The following ACOT1 variants were observed in gnomAD, a reference collection of about 807,000 sequenced individuals.
ACOT1 encodes the protein acyl-coenzyme A thioesterase 1.
Under a neutral mutation model 15.7 loss-of-function variants are expected in ACOT1, and 8 were observed. The ratio of observed to expected loss-of-function variants is 0.51; its 90% CI spans 0.30 to 0.92. The LOEUF is 0.92. ACOT1 is among the 40% of genes least tolerant of loss of function. The probability of loss-of-function intolerance (pLI) is 0.06; values close to 1 mark genes in which losing one functional copy is unlikely to be tolerated. For missense variants in ACOT1, 151 were observed against 539.4 expected, an observed-to-expected ratio of 0.28 and a Z score of 7.13; for synonymous variants, 67 against 241.2, an observed-to-expected ratio of 0.28 and a Z score of 6.69.
chr14:73,501,727 AC>A, the ACOT1 span, among the ~76,000 whole-genome samples: 1 of 151,388 alleles, frequency 6.6e-6, no homozygotes, highest in Non-Finnish European at 1.5e-5. Context: ...GGCATACACC[AC>A]CACACTGGCT....
At chr14:73,508,310 GAA>G in the ACOT1 span, 3 of 1,611,840 alleles carry the variant, frequency 1.9e-6, no homozygotes, top group Non-Finnish European at 2.5e-6. Context: ...ACAGTTGGGT[GAA>G]AAAGAGTTCA....
chr14:73,500,250 CA>C, the ACOT1 span, among the ~76,000 whole-genome samples: 2 of 149,052 alleles, frequency 1.3e-5, no homozygotes, highest in African/African-American at 4.9e-5. Flanking sequence ...AACAAACAAA[CA>C]AAAAAACCAT....
the ACOT1 span, among the ~76,000 whole-genome samples, chr14:73,510,906 T>C: frequency 6.6e-6 from 1 of 152,208 alleles, no homozygotes; most frequent in African/African-American, 2.4e-5. Context: ...TGTTATAAGT[T>C]ACAGTATCCA....
At chr14:73,494,192 C>T in the ACOT1 span, among the ~76,000 whole-genome samples, 1 of 152,314 alleles carries the variant, frequency 6.6e-6, no homozygotes, top group East Asian at 1.9e-4. Context: ...TGAATATTCT[C>T]ATGGTTGGTG....
the ACOT1 span, chr14:73,519,019 T>C: frequency 6.2e-7 from 1 of 1,611,402 alleles, no homozygotes; most frequent in South Asian, 1.1e-5. Context: ...AGCTTCCTGC[T>C]TACATGCTTC....
the ACOT1 span, among the ~76,000 whole-genome samples, chr14:73,525,720 A>G: frequency 2.0e-5 from 3 of 152,166 alleles, no homozygotes; most frequent in Admixed American, 2.0e-4. Context: ...TGGGAGGCTA[A>G]ATTGGGCAAA....
the ACOT1 span, chr14:73,521,178 A>G: frequency 1.1e-5 from 8 of 737,370 alleles, no homozygotes; most frequent in African/African-American, 1.8e-5. Context: ...ACCAATGTTT[A>G]ACTTTTAGCC....
At chr14:73,531,956 C>T in the ACOT1 span, among the ~76,000 whole-genome samples, 1 of 114,588 alleles carries the variant, frequency 8.7e-6, no homozygotes, top group South Asian at 2.8e-4. Flanking sequence ...CGCCTGGACC[C>T]AGGAAGCAGA....
At chr14:73,491,388 C>A in the ACOT1 span, 1 of 1,351,704 alleles carries the variant, frequency 7.4e-7, no homozygotes, top group South Asian at 1.9e-5. Context: ...CGCCTGGTGC[C>A]CGCTTCCGCG....
chr14:73,514,041 G>C, the ACOT1 span: 1 of 1,614,178 alleles, frequency 6.2e-7, no homozygotes, highest in African/African-American at 1.3e-5. Flanking sequence ...TCAGAGCCCA[G>C]GCAGTCTTCC....
At chr14:73,522,995 G>C in the ACOT1 span, 1 of 1,614,000 alleles carries the variant, frequency 6.2e-7, no homozygotes, top group African/African-American at 1.3e-5. Flanking sequence ...ACGGTACTGT[G>C]AGCTGAAGAA....
At chr14:73,506,727 G>A in the ACOT1 span, among the ~76,000 whole-genome samples, 126 of 150,700 alleles carry the variant, frequency 8.4e-4, 1 homozygote, top group East Asian at 0.022. Context: ...CTGACTCTGG[G>A]ATCATAAATT....
At chr14:73,493,104 T>C in the ACOT1 span, 1 of 1,613,444 alleles carries the variant, frequency 6.2e-7, no homozygotes, top group Non-Finnish European at 8.5e-7. Context: ...TCGGAAGGTC[T>C]TCTAGGAAGA....
the ACOT1 span, among the ~76,000 whole-genome samples, chr14:73,523,488 A>G: frequency 6.6e-6 from 1 of 152,218 alleles, no homozygotes; most frequent in Non-Finnish European, 1.5e-5. Flanking sequence ...GCAGTATCCC[A>G]TGCTTCCAGT....
chr14:73,516,386 C>T, the ACOT1 span, among the ~76,000 whole-genome samples: 1 of 104,498 alleles, frequency 9.6e-6, no homozygotes, highest in Non-Finnish European at 1.8e-5. Context: ...CGACTTCTCT[C>T]AGGCGATTTG....
At chr14:73,522,908 C>A in the ACOT1 span, 1 of 1,614,204 alleles carries the variant, frequency 6.2e-7, no homozygotes, top group Middle Eastern at 1.6e-4. Flanking sequence ...GCTGGGCAGG[C>A]CTCGCTGCCA....
chr14:73,524,310 A>AAAAAAT, the ACOT1 span, among the ~76,000 whole-genome samples: 282 of 54,744 alleles, frequency 5.2e-3, 5 homozygotes, highest in Middle Eastern at 0.026. Context: ...AAAAAAAAAA[A>AAAAAAT]ATATATATAT....
the ACOT1 span, among the ~76,000 whole-genome samples, chr14:73,499,475 A>G: frequency 6.6e-6 from 1 of 151,990 alleles, no homozygotes. Flanking sequence ...GCGAGTCTCC[A>G]TCTCAAAAAA....
At chr14:73,532,960 A>T (rs1244861313), upstream of ACOT1, among the ~76,000 whole-genome samples, 1 of 111,620 alleles carries the variant, frequency 9.0e-6, no homozygotes, top group Non-Finnish European at 1.9e-5. Flanking sequence ...ATCTCAAAAA[A>T]ATAAATAAAT....
Sources: gnomAD v4.1 joint callset for allele counts (sites outside exome capture counted in the v4.1 genomes callset) on GRCh38, gnomAD v4.1.1 for gene constraint, MANE v1.5 for transcripts, NCBI Gene and HGNC (gene_info 2026-07-23, HGNC 2026-07-21) for gene names.